LARGE1: variants seen among roughly 807,000 people sequenced by gnomAD.
The protein encoded by LARGE1 is LARGE xylosyl- and glucuronyltransferase 1.
Under a neutral mutation model 87.6 loss-of-function variants are expected in LARGE1, and 43 were observed. That is an observed-to-expected ratio of 0.49 (90% CI 0.38 to 0.63). LARGE1 has a LOEUF of 0.63. Among genes scored for constraint, LARGE1 ranks in the 30% least tolerant of loss-of-function variants. The pLI, the probability that LARGE1 is intolerant of heterozygous loss-of-function variation, is 0.00. For missense variants in LARGE1, 802 were observed against 1,000.2 expected, an observed-to-expected ratio of 0.80 and a Z score of 2.67; for synonymous variants, 434 against 394.6, an observed-to-expected ratio of 1.10 and a Z score of -1.18.
At chr22:33,855,828 A>T (rs182780098) in intron 1 of LARGE1, among the ~76,000 whole-genome samples, 150 of 152,326 alleles carry the variant, frequency 9.8e-4, no homozygotes, top group African/African-American at 3.4e-3. Context: ...ACCTGCCCTC[A>T]TTACACGTTT....
the LARGE1 span, among the ~76,000 whole-genome samples, chr22:33,116,525 T>C: frequency 1.3e-5 from 2 of 150,036 alleles, no homozygotes; most frequent in African/African-American, 5.0e-5. Flanking sequence ...CAGCTAATTT[T>C]TTGTATTTTT....
chr22:33,334,784 A>C (rs1157399204), intron 10 of LARGE1, among the ~76,000 whole-genome samples: 1 of 152,214 alleles, frequency 6.6e-6, no homozygotes, highest in African/African-American at 2.4e-5. Flanking sequence ...AGAGCTGTTA[A>C]GCTTCAGGCC....
chr22:33,373,964 C>A (rs370000801), intron 9 of LARGE1, among the ~76,000 whole-genome samples: 35 of 120,822 alleles, frequency 2.9e-4, no homozygotes, highest in Middle Eastern at 4.8e-3. Context: ...TAGAGTGAGA[C>A]TCCGTCTCAA....
At chr22:33,557,764 G>A (rs948040110) in intron 6 of LARGE1, among the ~76,000 whole-genome samples, 2 of 152,022 alleles carry the variant, frequency 1.3e-5, no homozygotes, top group Admixed American at 6.6e-5. Flanking sequence ...ATGGGGTTTC[G>A]CCATGTTTGC....
intron 6 of LARGE1, among the ~76,000 whole-genome samples, chr22:33,486,869 T>A (rs1028993004): frequency 6.6e-6 from 1 of 152,216 alleles, no homozygotes; most frequent in African/African-American, 2.4e-5. Flanking sequence ...CTCAGAAATC[T>A]GAGGCTGAAA....
intron 1 of LARGE1, among the ~76,000 whole-genome samples, chr22:33,798,658 T>C (rs148319089): frequency 2.0e-3 from 310 of 152,278 alleles, no homozygotes; most frequent in South Asian, 7.5e-3. Flanking sequence ...TTTTCAAAGA[T>C]ATGATCTGAA....
At chr22:33,743,505 T>G (rs2083966780) in intron 2 of LARGE1, among the ~76,000 whole-genome samples, 1 of 151,972 alleles carries the variant, frequency 6.6e-6, no homozygotes, top group Non-Finnish European at 1.5e-5. Context: ...CCAAAACCTA[T>G]CCCCAGGCAG....
chr22:33,526,940 C>T (rs532288274), intron 6 of LARGE1, among the ~76,000 whole-genome samples: 125 of 152,270 alleles, frequency 8.2e-4, no homozygotes, highest in African/African-American at 2.7e-3. Flanking sequence ...ACAGCACCTG[C>T]GTTACCACGG....
At chr22:33,822,496 C>T (rs575887546) in intron 1 of LARGE1, among the ~76,000 whole-genome samples, 1 of 152,146 alleles carries the variant, frequency 6.6e-6, no homozygotes, top group African/African-American at 2.4e-5. Flanking sequence ...GTCAGGAGTT[C>T]GAGACCAGCC....
chr22:33,483,089 T>G (rs1057459067), intron 6 of LARGE1, among the ~76,000 whole-genome samples: 2 of 152,238 alleles, frequency 1.3e-5, no homozygotes, highest in African/African-American at 4.8e-5. Flanking sequence ...TTTACTATTA[T>G]CGTTTTCTTC....
the LARGE1 span, among the ~76,000 whole-genome samples, chr22:33,124,838 C>T: frequency 6.6e-6 from 1 of 152,154 alleles, no homozygotes. Context: ...CCTGTCCCTA[C>T]TTAAAAAAAG....
intron 6 of LARGE1, among the ~76,000 whole-genome samples, chr22:33,488,799 T>C (rs2069697385): frequency 6.6e-6 from 1 of 152,192 alleles, no homozygotes. Flanking sequence ...TATTCCAAGA[T>C]GCAAGCAGTC....
intron 6 of LARGE1, among the ~76,000 whole-genome samples, chr22:33,526,151 CATT>C (rs1440147502): frequency 6.6e-6 from 1 of 152,040 alleles, no homozygotes; most frequent in African/African-American, 2.4e-5. Context: ...ACCTTGAAAA[CATT>C]ATGTTAGGTT....
In LARGE1 at chr22:33,444,478, T is replaced by C. The variant is rs1422481167; in HGVS notation, c.788-12213A>G. Among the ~76,000 whole-genome samples, 7 of 151,856 alleles carry C rather than the reference T, an allele frequency of 4.6e-5. No homozygotes were observed. In the East Asian group the frequency reaches 9.8e-4, roughly 21 times the overall value. ...ATGATCTCGGCTCACTCAGAACAGC[T>C]ACTGATGAGAGAGGCCCTCCTTGCA... On this transcript the variant is annotated intron_variant, in intron 6 of 14. Coordinates refer to ENST00000397394, the MANE Select transcript of LARGE1 (RefSeq NM_133642.5).
In LARGE1 at chr22:33,334,435, A is replaced by AAAAAC. The variant is rs796682561; in HGVS notation, c.1287+3210_1287+3211insGTTTT. On this transcript the variant is annotated intron_variant, in intron 10 of 14. Transcript: ENST00000397394. The stretch of plus-strand genomic sequence containing the variant: ...AAAAAAAAAAAAACAAAAAAAAAAA[A>AAAAAC]CACCAAACAAAAAGAAACAGGGCAT... 3.1e-4 allele frequency among the ~76,000 whole-genome samples: 45 copies of AAAAAC among 145,022 alleles called. 2 individuals are homozygous for AAAAAC. Among genetic ancestry groups the AAAAAC allele is most frequent in the African/African-American group, 9.6e-4 (35 of 36,470 alleles).
intron 1 of LARGE1, among the ~76,000 whole-genome samples, chr22:33,895,258 C>T (rs2065108684): frequency 6.6e-6 from 1 of 152,186 alleles, no homozygotes; most frequent in Non-Finnish European, 1.5e-5. Flanking sequence ...CATCTGCCCA[C>T]TCACAGAGGA....
At chr22:33,418,849 T>G (rs577505761) in intron 7 of LARGE1, among the ~76,000 whole-genome samples, 1 of 152,088 alleles carries the variant, frequency 6.6e-6, no homozygotes, top group Non-Finnish European at 1.5e-5. Flanking sequence ...TTCAGGAACC[T>G]TGGGGCACAG....
chr22:33,590,566 C>G (rs536975115), intron 5 of LARGE1, among the ~76,000 whole-genome samples: 3 of 152,202 alleles, frequency 2.0e-5, no homozygotes, highest in Non-Finnish European at 4.4e-5. Flanking sequence ...TAGGCAGTCC[C>G]ACCACACCAC....
In LARGE1 at chr22:33,277,145, A is replaced by G; in HGVS notation, c.1988T>C (p.Val663Ala). The G allele has an allele frequency of 6.2e-7, 1 of 1,614,242 alleles. No homozygotes were observed. The highest frequency in any genetic ancestry group is 1.1e-5 in the South Asian group (1 of 91,090). The change falls in exon 14 of 15, where the codon GTG becomes GCG. Residue 663 changes from valine (V) to alanine (A), a missense_variant. Physicochemically the swap from Val to Ala is moderately conservative, Grantham distance 64 (BLOSUM62 0). Around this residue, in one of 2 missense-constraint regions of LARGE1, gnomAD observed 625 missense variants for 841.9 expected, o/e 0.74. Transcript: ENST00000397394. ...WEADFEPYVV[V>A]RRDCPEYDRR... ...GTCGTACTCCGGGCAGTCACGTCTC[A>G]CAACAACATACGGCTCAAAATCGGC...
Sources: allele counts gnomAD v4.1 joint callset (sites outside exome capture counted in the v4.1 genomes callset), GRCh38; gene constraint gnomAD v4.1.1; regional missense constraint gnomAD v4.1.1; transcripts MANE v1.5; gene names NCBI Gene and HGNC (gene_info 2026-07-23, HGNC 2026-07-21).